The following SLC16A12 variants were observed in gnomAD, a reference collection of about 807,000 sequenced individuals.
The protein encoded by SLC16A12 is monocarboxylate transporter 12.
SLC16A12 carries 17 observed loss-of-function variants against 42.4 expected under a neutral mutation model. The observed-to-expected ratio is 0.40, with a 90% CI of 0.27 to 0.60. SLC16A12 has a LOEUF of 0.60. SLC16A12 is among the 20% of genes least tolerant of loss of function. SLC16A12 has a pLI of 0.42. For synonymous variants in SLC16A12, 224 were observed against 229.4 expected (o/e 0.98, Z 0.21); for missense variants, 544 against 623.0 (o/e 0.87, Z 1.35).
At chr10:89,539,885 C>CTT (rs1554834016), upstream of SLC16A12, among the ~76,000 whole-genome samples, 2 of 144,362 alleles carry the variant, frequency 1.4e-5, no homozygotes, top group African/African-American at 2.8e-5. Flanking sequence ...TTCTTTCTTT[C>CTT]TTTCTTTCTT....
chr10:89,522,292 C>T (rs1213083847), intron 2 of SLC16A12, among the ~76,000 whole-genome samples: 1 of 152,192 alleles, frequency 6.6e-6, no homozygotes, highest in East Asian at 1.9e-4. Flanking sequence ...TGGTTTTCAA[C>T]CCCCTTGAGC....
intron 2 of SLC16A12, among the ~76,000 whole-genome samples, chr10:89,466,075 G>C (rs1416958630): frequency 6.6e-6 from 1 of 152,134 alleles, no homozygotes; most frequent in African/African-American, 2.4e-5. Context: ...TGCATCTTAA[G>C]AGTTATATGA....
Position 89,462,534 on chromosome 10 carries a change from T to C in SLC16A12, c.45A>G (p.Ile15Met), listed in dbSNP as rs1564577147. 4 of 1,613,178 alleles carry C rather than the reference T, an allele frequency of 2.5e-6. No homozygotes were observed. The South Asian group carries it at 3.3e-5, about 13-fold the overall frequency. ...TTCCAGGTTGCTCCAACAGCCAAGT[T>C]ATGATCTTGGAAGAGTTTGCTGTCC... The part of the protein sequence containing the change: ...SHWTANSSKI[I>M]TWLLEQPGKE... The change falls in exon 3 of 8, where the codon ATA becomes ATG. Residue 15 changes from isoleucine (I) to methionine (M), a missense_variant. By Grantham distance (10) the Ile-to-Met change is conservative. Transcript: ENST00000371790.
chr10:89,446,370 A>G (rs1209124230), intron 3 of SLC16A12, among the ~76,000 whole-genome samples: 1 of 152,242 alleles, frequency 6.6e-6, no homozygotes, highest in African/African-American at 2.4e-5. Context: ...AGGTCGGGTT[A>G]CCCACAAAGG....
At chr10:89,532,344 G>C (rs1843568613) in intron 2 of SLC16A12, among the ~76,000 whole-genome samples, 1 of 152,130 alleles carries the variant, frequency 6.6e-6, no homozygotes, top group African/African-American at 2.4e-5. Flanking sequence ...AATTGTGACT[G>C]TTCCCCAAAT....
At chr10:89,527,549 A>C (rs1843474287) in intron 2 of SLC16A12, among the ~76,000 whole-genome samples, 1 of 152,010 alleles carries the variant, frequency 6.6e-6, no homozygotes, top group Non-Finnish European at 1.5e-5. Context: ...TAATCTCAGC[A>C]CTTTGGGAGG....
rs575422408 is a variant in SLC16A12, at chr10:89,482,258, A to C, written c.-46-19634T>G. On this transcript the variant is annotated intron_variant, in intron 2 of 7. Transcript: ENST00000371790. ...CACCAAAAAAAAAAAAAAAAGAAGAAGAAAAGAAAAAAAGGCTAAAGTATA... is the reference window on the plus strand; with the variant it reads ...CACCAAAAAAAAAAAAAAAAGAAGACGAAAAGAAAAAAAGGCTAAAGTATA... 1.5e-3 allele frequency among the ~76,000 whole-genome samples: 222 copies of C among 151,584 alleles called. 2 individuals carry two copies. Among genetic ancestry groups the C allele is most frequent in the African/African-American group, 5.1e-3 (212 of 41,426 alleles).
rs1841955470 is a variant in SLC16A12 at position 89,443,845 on chromosome 10, A to T, written c.215T>A (p.Phe72Tyr). Residue 72 changes from phenylalanine to tyrosine, a missense_variant, in exon 4 of 8, where the codon TTT becomes TAT. Phe to Tyr is a conservative substitution (Grantham distance 22). Coordinates refer to ENST00000371790, the MANE Select transcript of SLC16A12 (RefSeq NM_213606.4). ...TRAVTRCISIFFVEFQTYFTQ... is the reference protein window; with the variant it reads ...TRAVTRCISIYFVEFQTYFTQ... ...GAAGTATGTCTGGAACTCCACAAAA[A>T]AAATTGAGATACATCTGAAAAATAC... 2 of 1,610,626 alleles carry T rather than the reference A, an allele frequency of 1.2e-6. No homozygotes were observed. The highest frequency in any genetic ancestry group is 2.2e-5 in the South Asian group (2 of 91,026).
At chr10:89,508,603 T>G (rs1030185936) in intron 2 of SLC16A12, among the ~76,000 whole-genome samples, 7 of 152,244 alleles carry the variant, frequency 4.6e-5, no homozygotes, top group Non-Finnish European at 8.8e-5. Context: ...TTTATAGCAC[T>G]AAATGTCCAC....
upstream of SLC16A12, among the ~76,000 whole-genome samples, chr10:89,539,857 T>TTTCTTTCTTTCTTTCTTTCTTTCTTTC (rs1843700720): frequency 1.6e-5 from 2 of 127,858 alleles, no homozygotes; most frequent in Non-Finnish European, 3.3e-5. Flanking sequence ...AGAAACAAAT[T>TTTCTTTCTTTCTTTCTTTCTTTCTTTC]TTTCTTTCTT....
chr10:89,508,396 TC>T (rs1196828353), intron 2 of SLC16A12, among the ~76,000 whole-genome samples: 1 of 152,148 alleles, frequency 6.6e-6, no homozygotes, highest in Non-Finnish European at 1.5e-5. Context: ...CACAGTGCAA[TC>T]AAATTAGAAC....
At chr10:89,490,059 A>AT (rs1359110138) in intron 2 of SLC16A12, among the ~76,000 whole-genome samples, 16 of 152,356 alleles carry the variant, frequency 1.1e-4, no homozygotes, top group African/African-American at 3.8e-4. Flanking sequence ...TCAAAGATAG[A>AT]TAACTATAGT....
At chr10:89,468,486 T>C (rs1178681558) in intron 2 of SLC16A12, among the ~76,000 whole-genome samples, 1 of 152,132 alleles carries the variant, frequency 6.6e-6, no homozygotes, top group African/African-American at 2.4e-5. Context: ...TGCTCTGAGA[T>C]TTCAAAATTG....
At chr10:89,513,512 C>T (rs1843196270) in intron 2 of SLC16A12, among the ~76,000 whole-genome samples, 1 of 152,104 alleles carries the variant, frequency 6.6e-6, no homozygotes, top group Non-Finnish European at 1.5e-5. Context: ...CATATTTCCT[C>T]ACCATTAAAA....
Position 89,438,779 on chromosome 10 carries a change from C to A in SLC16A12, c.853G>T (p.Val285Leu). 6.2e-7 allele frequency: 1 copy of A among 1,614,188 alleles called. No homozygotes were observed. Among genetic ancestry groups the A allele is most frequent in the Non-Finnish European group, 8.5e-7 (1 of 1,180,042 alleles). ...ATAAACAGAACGGAGACGGCTAACA[C>A]AACAAAGTCTGACATGAGTAAAAAA... Reference protein sequence around the residue: ...YSFLLMSDFVVLAVSVLFMAY... With the variant: ...YSFLLMSDFVLLAVSVLFMAY... Residue 285 changes from valine (V) to leucine (L), a missense_variant, in exon 6 of 8, where the codon GTG becomes TTG. Coordinates refer to ENST00000371790, the MANE Select transcript of SLC16A12 (RefSeq NM_213606.4).
intron 2 of SLC16A12, among the ~76,000 whole-genome samples, chr10:89,490,385 G>A (rs187249693): frequency 2.9e-3 from 447 of 152,184 alleles, no homozygotes; most frequent in Admixed American, 3.6e-3. Context: ...TAAGGGGCTC[G>A]GTCTCACAAG....
intron 2 of SLC16A12, among the ~76,000 whole-genome samples, chr10:89,507,438 G>T (rs1388933481): frequency 1.3e-5 from 2 of 152,166 alleles, no homozygotes; most frequent in Admixed American, 1.3e-4. Flanking sequence ...TTAAAGAAAA[G>T]AATTTTCCAC....
At chr10:89,455,998 C>T (rs1313141157) in intron 3 of SLC16A12, 2 of 152,218 alleles carry the variant, frequency 1.3e-5, no homozygotes, top group African/African-American at 4.8e-5. Context: ...AATACCTTCT[C>T]TCAGAGGCCA....
intron 2 of SLC16A12, among the ~76,000 whole-genome samples, chr10:89,508,621 A>G (rs147548242): frequency 0.07 from 10,619 of 152,314 alleles, 531 homozygotes; most frequent in African/African-American, 0.14. Context: ...CACAAGAGAA[A>G]GCAGGAAAGA....
Sources: gnomAD v4.1 joint callset for allele counts (sites outside exome capture counted in the v4.1 genomes callset) on GRCh38, gnomAD v4.1.1 for gene constraint, MANE v1.5 for transcripts, NCBI Gene and HGNC (gene_info 2026-07-23, HGNC 2026-07-21) for gene names.